Variants in RPS6KC1 observed in about 807,000 individuals in gnomAD.
RPS6KC1 encodes ribosomal protein S6 kinase C1, also known as inactive ribosomal protein S6 kinase delta-1.
RPS6KC1 carries 54 observed loss-of-function variants against 103.8 expected under a neutral mutation model. That is an observed-to-expected ratio of 0.52 (90% CI 0.42 to 0.65). The LOEUF is 0.65. Ranked by LOEUF, RPS6KC1 falls within the 30% of genes least tolerant of loss-of-function variation. RPS6KC1 has a pLI of 0.00. For missense variants in RPS6KC1, 1,151 were observed against 1,253.8 expected, an observed-to-expected ratio of 0.92 and a Z score of 1.24; for synonymous variants, 439 against 438.7, an observed-to-expected ratio of 1.00 and a Z score of -0.01.
chr1:213,558,300 C>T, the RPS6KC1 span, among the ~76,000 whole-genome samples: 1 of 152,208 alleles, frequency 6.6e-6, no homozygotes, highest in Non-Finnish European at 1.5e-5. Context: ...TTGCCAACCA[C>T]AAACCCCTGC....
At chr1:213,376,523 T>TAA in the RPS6KC1 span, among the ~76,000 whole-genome samples, 7 of 145,180 alleles carry the variant, frequency 4.8e-5, no homozygotes, top group African/African-American at 1.8e-4. Context: ...TATTGAGAAT[T>TAA]AAAAAAAAAA....
At chr1:213,411,914 C>T in the RPS6KC1 span, among the ~76,000 whole-genome samples, 1 of 152,146 alleles carries the variant, frequency 6.6e-6, no homozygotes, top group Admixed American at 6.6e-5. Context: ...CCCTCCTCTG[C>T]CACAGCAAGA....
At chr1:213,341,416 T>C in the RPS6KC1 span, among the ~76,000 whole-genome samples, 3 of 152,100 alleles carry the variant, frequency 2.0e-5, no homozygotes, top group African/African-American at 4.8e-5. Flanking sequence ...GTTAATGAAA[T>C]GTTTGGACTC....
At chr1:213,536,238 C>T in the RPS6KC1 span, among the ~76,000 whole-genome samples, 1 of 151,988 alleles carries the variant, frequency 6.6e-6, no homozygotes, top group Non-Finnish European at 1.5e-5. Flanking sequence ...TGATCCAAAG[C>T]GGGTGGAGGA....
the RPS6KC1 span, among the ~76,000 whole-genome samples, chr1:213,565,360 G>A: frequency 2.2e-3 from 332 of 152,262 alleles, no homozygotes; most frequent in African/African-American, 7.3e-3. Flanking sequence ...AGTAGAAAGA[G>A]GCCAGATATC....
the RPS6KC1 span, among the ~76,000 whole-genome samples, chr1:213,391,294 C>T: frequency 2.2e-4 from 33 of 152,140 alleles, no homozygotes; most frequent in South Asian, 1.5e-3. Context: ...ATGAGTGAGA[C>T]GTGAGATGAG....
At chr1:213,192,000 C>T (rs551363916) in intron 8 of RPS6KC1, among the ~76,000 whole-genome samples, 6 of 151,788 alleles carry the variant, frequency 4.0e-5, no homozygotes, top group South Asian at 2.1e-4. Flanking sequence ...TAGATCTGCC[C>T]GATTCAGCCT....
the RPS6KC1 span, among the ~76,000 whole-genome samples, chr1:213,511,596 G>A: frequency 6.6e-6 from 1 of 152,138 alleles, no homozygotes; most frequent in Non-Finnish European, 1.5e-5. Flanking sequence ...GTCACAATAA[G>A]GCCGGTATAA....
At chr1:213,364,164 G>A in the RPS6KC1 span, among the ~76,000 whole-genome samples, 1 of 152,152 alleles carries the variant, frequency 6.6e-6, no homozygotes, top group Non-Finnish European at 1.5e-5. Flanking sequence ...AAATGGATGT[G>A]GCTGTGTTTC....
At chr1:213,674,785 G>T in the RPS6KC1 span, among the ~76,000 whole-genome samples, 1 of 152,144 alleles carries the variant, frequency 6.6e-6, no homozygotes, top group Non-Finnish European at 1.5e-5. Context: ...CTGAAGGCTT[G>T]CCAGCATCTG....
chr1:213,440,658 A>G, the RPS6KC1 span, among the ~76,000 whole-genome samples: 3 of 151,530 alleles, frequency 2.0e-5, no homozygotes, highest in African/African-American at 7.3e-5. Flanking sequence ...GCACAAACCA[A>G]GTTCAAGCAA....
At chr1:213,721,823 T>C in the RPS6KC1 span, among the ~76,000 whole-genome samples, 1 of 152,108 alleles carries the variant, frequency 6.6e-6, no homozygotes, top group African/African-American at 2.4e-5. Flanking sequence ...ATTCTCAATC[T>C]CTCTCTTTTT....
At chr1:213,484,618 G>T in the RPS6KC1 span, among the ~76,000 whole-genome samples, 6 of 152,216 alleles carry the variant, frequency 3.9e-5, no homozygotes, top group Non-Finnish European at 4.4e-5. Flanking sequence ...GAACAAGTTA[G>T]TCAATCAACC....
the RPS6KC1 span, among the ~76,000 whole-genome samples, chr1:213,812,575 TTTAAAGACAG>T: frequency 6.6e-6 from 1 of 152,224 alleles, no homozygotes; most frequent in Non-Finnish European, 1.5e-5. Flanking sequence ...TTAAAGCCCT[TTTAAAGACAG>T]TTCATTTAGG....
intron 4 of RPS6KC1, among the ~76,000 whole-genome samples, chr1:213,115,135 C>G (rs2083446618): frequency 6.6e-6 from 1 of 152,190 alleles, no homozygotes; most frequent in South Asian, 2.1e-4. Flanking sequence ...ATAGTACCAG[C>G]TCATCTTTGT....
chr1:213,256,559 A>T (rs974833640), intron 12 of RPS6KC1, among the ~76,000 whole-genome samples: 24 of 152,234 alleles, frequency 1.6e-4, no homozygotes, highest in South Asian at 8.3e-4. Context: ...TCGCAAAAAA[A>T]ATCTCATGAT....
chr1:213,588,499 C>T, the RPS6KC1 span, among the ~76,000 whole-genome samples: 2 of 152,066 alleles, frequency 1.3e-5, no homozygotes, highest in Admixed American at 1.3e-4. Context: ...CGGGGTTTCA[C>T]TATGTTAGCC....
At chr1:213,585,429 AC>A in the RPS6KC1 span, among the ~76,000 whole-genome samples, 1 of 151,814 alleles carries the variant, frequency 6.6e-6, no homozygotes, top group Non-Finnish European at 1.5e-5. Context: ...AAAGTGTTCC[AC>A]CCCCATATCC....
In RPS6KC1 at chr1:213,233,540, A is replaced by T. The variant is rs17020291; in HGVS notation, c.1225+1285A>T. ...CCAGTGTGGATTATTCATGTTGGAG[A>T]TTATCTATGGCAAAATTTTCAGTCT... On this transcript the variant is annotated intron_variant, in intron 10 of 14. Transcript: ENST00000366960. 7.0e-3 allele frequency among the ~76,000 whole-genome samples: 1,063 copies of T among 152,260 alleles called. 14 individuals carry two copies. The highest frequency in any genetic ancestry group is 0.024 in the African/African-American group (1,008 of 41,556).
Sources: gnomAD v4.1 joint callset for allele counts (sites outside exome capture counted in the v4.1 genomes callset) on GRCh38, gnomAD v4.1.1 for gene constraint, MANE v1.5 for transcripts, NCBI Gene and HGNC (gene_info 2026-07-23, HGNC 2026-07-21) for gene names.